The following PRMT8 variants were observed in gnomAD, a reference collection of about 807,000 sequenced individuals.
PRMT8 encodes the protein protein arginine N-methyltransferase 8.
PRMT8 carries 7 observed loss-of-function variants against 47.1 expected under a neutral mutation model. The observed-to-expected ratio is 0.15, with a 90% CI of 0.08 to 0.28. PRMT8 has a LOEUF of 0.28. PRMT8 is among the 10% of genes least tolerant of loss of function. The pLI, the probability that PRMT8 is intolerant of heterozygous loss-of-function variation, is 1.00. For missense variants in PRMT8, 237 were observed against 505.4 expected (o/e 0.47, Z 5.09); for synonymous variants, 188 against 186.5 (o/e 1.01, Z -0.07).
intron 1 of PRMT8, among the ~76,000 whole-genome samples, chr12:3,386,251 G>A (rs187309979): frequency 6.6e-6 from 1 of 152,306 alleles, no homozygotes; most frequent in African/African-American, 2.4e-5. Flanking sequence ...AAATGGTGTG[G>A]TTCCTCTTCC....
chr12:3,467,239 C>CAA (rs10694948), intron 1 of PRMT8, among the ~76,000 whole-genome samples: 1,598 of 48,642 alleles, frequency 0.033, 217 homozygotes, highest in African/African-American at 0.12. Flanking sequence ...GACTCCATCT[C>CAA]AAAAAAAAAA....
chr12:3,406,325 G>A (rs1864372510), intron 1 of PRMT8, among the ~76,000 whole-genome samples: 2 of 152,226 alleles, frequency 1.3e-5, no homozygotes, highest in Admixed American at 1.3e-4. Context: ...CTGCTGTGAA[G>A]GTCTCTGACA....
At chr12:3,532,803 T>C (rs1452709648) in intron 1 of PRMT8, among the ~76,000 whole-genome samples, 1 of 152,070 alleles carries the variant, frequency 6.6e-6, no homozygotes, top group Non-Finnish European at 1.5e-5. Context: ...GTCCCAAAAT[T>C]TCTGATTCAT....
At chr12:3,472,871 T>A (rs887359) in intron 1 of PRMT8, among the ~76,000 whole-genome samples, 40,450 of 152,016 alleles carry the variant, frequency 0.27, 6,007 homozygotes, top group Non-Finnish European at 0.33. Flanking sequence ...AGGCAGGGGC[T>A]GTGTTCCAGA....
At chr12:3,431,995 G>A (rs1371003281) in intron 1 of PRMT8, among the ~76,000 whole-genome samples, 1 of 152,240 alleles carries the variant, frequency 6.6e-6, no homozygotes, top group African/African-American at 2.4e-5. Flanking sequence ...GAGGAGTTTG[G>A]AATAGACTGC....
At chr12:3,590,129 A>T (rs1446106670) in intron 8 of PRMT8, among the ~76,000 whole-genome samples, 3 of 152,232 alleles carry the variant, frequency 2.0e-5, no homozygotes, top group Non-Finnish European at 4.4e-5. Context: ...AGGGTCTGAA[A>T]GGGATAGACT....
intron 1 of PRMT8, among the ~76,000 whole-genome samples, chr12:3,509,194 C>T (rs1022667584): frequency 6.6e-6 from 1 of 152,188 alleles, no homozygotes; most frequent in African/African-American, 2.4e-5. Flanking sequence ...ACCCACTCCT[C>T]ACCCGGGCTC....
chr12:3,473,506 C>G (rs370502556), intron 1 of PRMT8, among the ~76,000 whole-genome samples: 23 of 152,288 alleles, frequency 1.5e-4, no homozygotes, highest in African/African-American at 5.5e-4. Context: ...GTCCTGTGCT[C>G]TCTGCAGTTC....
At chr12:3,530,780 C>T (rs1351907599) in intron 1 of PRMT8, among the ~76,000 whole-genome samples, 1 of 152,192 alleles carries the variant, frequency 6.6e-6, no homozygotes, top group East Asian at 1.9e-4. Flanking sequence ...AGCACCCTGG[C>T]ACAGAGTCAT....
In PRMT8 at chr12:3,576,835, C is replaced by A; in HGVS notation, c.713-36C>A. 1 of 1,570,814 alleles carries A rather than the reference C, an allele frequency of 6.4e-7. No homozygotes were observed. Among genetic ancestry groups the A allele is most frequent in the Non-Finnish European group, 8.8e-7 (1 of 1,142,226 alleles). On this transcript the variant is annotated intron_variant, in intron 6 of 9. Coordinates refer to ENST00000382622, the MANE Select transcript of PRMT8 (RefSeq NM_019854.5). This position sits in a 1 kb window ranked among gnomAD's most constrained non-coding sequence, Gnocchi z 4.0. ...AGGGTTGGGTGAGCTTCTGGGGGTC[C>A]TGCGCCTGCCTTCACGTCTTGCTCT...
At chr12:3,481,292 CT>C (rs1865272124) in intron 1 of PRMT8, among the ~76,000 whole-genome samples, 1 of 152,190 alleles carries the variant, frequency 6.6e-6, no homozygotes, top group African/African-American at 2.4e-5. Context: ...GCACTTTTGT[CT>C]ATGGCTCAAG....
chr12:3,417,804 G>C (rs1864498806), intron 1 of PRMT8, among the ~76,000 whole-genome samples: 1 of 152,184 alleles, frequency 6.6e-6, no homozygotes, highest in African/African-American at 2.4e-5. Flanking sequence ...ATGAAGAAGA[G>C]ACAAAAATCC....
At chr12:3,504,855 T>C (rs1298879534) in intron 1 of PRMT8, among the ~76,000 whole-genome samples, 22 of 19,808 alleles carry the variant, frequency 1.1e-3, no homozygotes, top group South Asian at 3.4e-3. Flanking sequence ...ATCAGCGAGA[T>C]TCCGTGGGCG....
At chr12:3,395,044 G>A (rs1864234603) in intron 1 of PRMT8, among the ~76,000 whole-genome samples, 1 of 151,478 alleles carries the variant, frequency 6.6e-6, no homozygotes, top group African/African-American at 2.4e-5. Flanking sequence ...ATTTCTGTGG[G>A]ATTGGTGGTG....
chr12:3,428,930 G>A (rs1322643969), intron 1 of PRMT8, among the ~76,000 whole-genome samples: 1 of 131,708 alleles, frequency 7.6e-6, no homozygotes, highest in East Asian at 2.2e-4. Flanking sequence ...CTCCATCTTT[G>A]TCTCTCTGTC....
Position 3,491,299 on chromosome 12 carries a change from G to C in PRMT8, c.-327G>C. 8.9e-7 allele frequency: 1 copy of C among 1,121,818 alleles called. No homozygotes were observed. The highest frequency in any genetic ancestry group is 3.1e-5 in the South Asian group (1 of 32,036). The allele number at this position is 1,121,818 out of a possible 1,614,324, so 69.5% of individuals were successfully genotyped here. On this transcript the variant is annotated 5_prime_UTR_variant, in exon 1 of 10. Coordinates refer to ENST00000382622, the MANE Select transcript of PRMT8 (RefSeq NM_019854.5). ...AGCCTGGAGAGGATCCGCGACCGCC[G>C]CCGCCGCCGCCGCGGAGGCTTCGGG...
chr12:3,538,429 A>G lies in PRMT8; in HGVS notation c.76-2177A>G. ...GTAGGCAGTTGTGGAATTAAAAGCA[A>G]CACCCCATGTCGCTGAATGTTCAGG... is the stretch of plus-strand genomic sequence containing the variant. On this transcript the variant is annotated intron_variant, in intron 1 of 9. Coordinates refer to ENST00000382622, the MANE Select transcript of PRMT8 (RefSeq NM_019854.5). The surrounding 1 kb of genome is among the most constrained non-coding windows in gnomAD (Gnocchi z 4.6). The G allele has an allele frequency of 2.9e-6, 1 of 347,288 alleles. No individual in the cohort carries two copies. The highest frequency in any genetic ancestry group is 3.8e-5 in the Admixed American group (1 of 26,526). 21.5% of individuals were successfully genotyped at this position (347,288 alleles called of 1,614,324 possible).
chr12:3,558,827 C>T (rs1387237914), intron 4 of PRMT8, among the ~76,000 whole-genome samples: 2 of 152,226 alleles, frequency 1.3e-5, no homozygotes, highest in Non-Finnish European at 2.9e-5. Flanking sequence ...AAGGCAGTGT[C>T]TGCTGCCAGC....
rs182572136 is a variant in PRMT8 at position 3,525,656 on chromosome 12, T to C, written c.76-14950T>C. 1.9e-4 allele frequency among the ~76,000 whole-genome samples: 29 copies of C among 152,330 alleles called. No homozygotes were observed. In the East Asian group the frequency reaches 3.9e-3, roughly 20 times the overall value. ...ATGAGTGAGTTCACACTTAGATGTT[T>C]ATATGACAAGTAAATGCTTAAAAGT... is the stretch of plus-strand genomic sequence containing the variant. On this transcript the variant is annotated intron_variant, in intron 1 of 9. Transcript: ENST00000382622.
Sources: gnomAD v4.1 joint callset for allele counts (sites outside exome capture counted in the v4.1 genomes callset) on GRCh38, gnomAD v4.1.1 for gene constraint, Gnocchi (gnomAD v3.1) non-coding constraint, MANE v1.5 for transcripts, NCBI Gene and HGNC (gene_info 2026-07-23, HGNC 2026-07-21) for gene names.